Variants in RORA observed in about 807,000 individuals in gnomAD.
The protein encoded by RORA is nuclear receptor ROR-alpha.
A neutral mutation model predicts 69.5 loss-of-function variants in RORA; 7 were observed. The ratio of observed to expected loss-of-function variants is 0.10; its 90% CI spans 0.06 to 0.19. The LOEUF is 0.19. Among genes scored for constraint, RORA ranks in the 10% least tolerant of loss-of-function variants. The pLI, the probability that RORA is intolerant of heterozygous loss-of-function variation, is 1.00. For synonymous variants in RORA, 261 were observed against 240.8 expected (o/e 1.08, Z -0.78); for missense variants, 457 against 663.0 (o/e 0.69, Z 3.41).
At chr15:60,746,515 A>T (rs78583090) in intron 1 of RORA, among the ~76,000 whole-genome samples, 1 of 151,320 alleles carries the variant, frequency 6.6e-6, no homozygotes, top group Admixed American at 6.6e-5. Context: ...AAAGGGAGAG[A>T]AAAAAAAACA....
At chr15:61,041,235 C>T (rs1487730744) in intron 1 of RORA, 1 of 152,180 alleles carries the variant, frequency 6.6e-6, no homozygotes, top group Non-Finnish European at 1.5e-5. Flanking sequence ...ACAGAGGTAA[C>T]CCTTAGGAAG....
Position 61,229,230 on chromosome 15 carries a change from A to C in RORA, c.-12T>G, listed in dbSNP as rs201488277. 3 of 1,290,326 alleles carry C rather than the reference A, an allele frequency of 2.3e-6. No homozygotes were observed. Among genetic ancestry groups the C allele is most frequent in the Non-Finnish European group, 3.0e-6 (3 of 999,780 alleles). 79.9% of individuals were successfully genotyped at this position (1,290,326 alleles called of 1,614,324 possible). On this transcript the variant is annotated 5_prime_UTR_variant, in exon 1 of 11. Coordinates refer to ENST00000335670, the MANE Select transcript of RORA (RefSeq NM_134261.3). ...GGAGCTGACTCCATGTTTTTTCCCA[A>C]TGTAGAGATCGCTGGAGATGGCGAG...
At chr15:61,122,077 T>C (rs1021977063) in intron 1 of RORA, among the ~76,000 whole-genome samples, 3 of 152,244 alleles carry the variant, frequency 2.0e-5, no homozygotes, top group South Asian at 4.1e-4. Flanking sequence ...TTGGTATTTC[T>C]GGATCACCTC....
At chr15:60,664,081 CAT>C (rs2070346279) in intron 2 of RORA, among the ~76,000 whole-genome samples, 1 of 152,166 alleles carries the variant, frequency 6.6e-6, no homozygotes, top group Non-Finnish European at 1.5e-5. Context: ...GCAATAAAAA[CAT>C]ATTCTCCTAA....
intron 2 of RORA, among the ~76,000 whole-genome samples, chr15:60,671,226 G>A (rs2070464479): frequency 6.6e-6 from 1 of 151,628 alleles, no homozygotes; most frequent in African/African-American, 2.4e-5. Context: ...TACTAAGTTG[G>A]TCTAACAAAA....
At chr15:60,852,162 T>A (rs1328247096) in intron 1 of RORA, among the ~76,000 whole-genome samples, 1 of 152,112 alleles carries the variant, frequency 6.6e-6, no homozygotes, top group Non-Finnish European at 1.5e-5. Flanking sequence ...AAGAGCATCA[T>A]GTTTAAGGAC....
intron 1 of RORA, among the ~76,000 whole-genome samples, chr15:60,916,119 T>A (rs1329694842): frequency 6.6e-6 from 1 of 152,168 alleles, no homozygotes; most frequent in East Asian, 1.9e-4. Flanking sequence ...TGAGGAGTGA[T>A]GGAGACAAGG....
At chr15:60,543,434 A>C (rs1490287524) in intron 2 of RORA, among the ~76,000 whole-genome samples, 2 of 151,970 alleles carry the variant, frequency 1.3e-5, no homozygotes, top group African/African-American at 4.8e-5. Flanking sequence ...ATCAGTGCCC[A>C]CCACATAGTA....
At chr15:60,853,956 A>G (rs1461378889) in intron 1 of RORA, among the ~76,000 whole-genome samples, 1 of 152,216 alleles carries the variant, frequency 6.6e-6, no homozygotes, top group Non-Finnish European at 1.5e-5. Context: ...AAACACCGGA[A>G]AAGTTCTTAG....
chr15:60,518,811 T>C (rs928281249), intron 3 of RORA, among the ~76,000 whole-genome samples: 2 of 151,978 alleles, frequency 1.3e-5, no homozygotes, highest in African/African-American at 4.9e-5. Context: ...ACCCTGGCGC[T>C]TCCCCATGTG....
chr15:61,225,014 T>G (rs928384111), intron 1 of RORA, among the ~76,000 whole-genome samples: 3 of 152,138 alleles, frequency 2.0e-5, no homozygotes, highest in Non-Finnish European at 4.4e-5. Context: ...TAGAAGAGTC[T>G]CCTATAGATG....
At chr15:60,575,802 T>C (rs2068008373) in intron 2 of RORA, among the ~76,000 whole-genome samples, 1 of 152,264 alleles carries the variant, frequency 6.6e-6, no homozygotes, top group African/African-American at 2.4e-5. Context: ...AAAAGTTTAA[T>C]AAAATACAAT....
chr15:61,011,530 AAC>A (rs922669965), intron 1 of RORA, among the ~76,000 whole-genome samples: 24 of 152,222 alleles, frequency 1.6e-4, no homozygotes, highest in African/African-American at 5.8e-4. Flanking sequence ...CCAAAGAGGA[AAC>A]ACAGTGCCGT....
At chr15:60,970,296 T>C (rs1377660789) in intron 1 of RORA, among the ~76,000 whole-genome samples, 1 of 152,274 alleles carries the variant, frequency 6.6e-6, no homozygotes, top group Non-Finnish European at 1.5e-5. Flanking sequence ...CAGCATGCTC[T>C]CTGGTTCTCA....
chr15:60,735,533 C>A (rs2071485266), intron 1 of RORA, among the ~76,000 whole-genome samples: 1 of 151,678 alleles, frequency 6.6e-6, no homozygotes, highest in African/African-American at 2.4e-5. Context: ...CTGCTGAGAG[C>A]CTACCACCTT....
chr15:61,006,062 G>A (rs1273605492), intron 1 of RORA, among the ~76,000 whole-genome samples: 1 of 152,086 alleles, frequency 6.6e-6, no homozygotes, highest in Admixed American at 6.6e-5. Context: ...TCCACCTCCT[G>A]GGTTCAAGCG....
rs1438658979 is a variant in RORA, at chr15:60,488,961, A to C, written c.*8494T>G. ...CTTGGCTTACTTTGTAAATTTAACA[A>C]AACAACCCAGGAAAAACGTTTTAAT... On this transcript the variant is annotated 3_prime_UTR_variant, in exon 11 of 11. Coordinates refer to ENST00000335670, the MANE Select transcript of RORA (RefSeq NM_134261.3). 1 of 152,254 alleles carries C rather than the reference A, an allele frequency of 6.6e-6. No homozygotes were observed. The highest frequency in any genetic ancestry group is 1.5e-5 in the Non-Finnish European group (1 of 68,042). The allele number at this position is 152,254 out of a possible 1,614,324, so 9.4% of individuals were successfully genotyped here.
At chr15:60,935,916 C>A (rs1282742980) in intron 1 of RORA, among the ~76,000 whole-genome samples, 2 of 152,206 alleles carry the variant, frequency 1.3e-5, no homozygotes, top group Non-Finnish European at 2.9e-5. Flanking sequence ...TTACTGCAGA[C>A]AGAAGACAAT....
chr15:60,493,653 A>T lies in RORA; in HGVS notation c.*3802T>A, dbSNP rs2065092881. 6.8e-6 allele frequency: 1 copy of T among 147,618 alleles called. No homozygotes were observed. The highest frequency in any genetic ancestry group is 2.5e-5 in the African/African-American group (1 of 40,438). The allele number at this position is 147,618 out of a possible 1,614,324, so 9.1% of individuals were successfully genotyped here. On this transcript the variant is annotated 3_prime_UTR_variant, in exon 11 of 11. Transcript: ENST00000335670. ...AATAATACAAAGTTTGTTTGTTTGT[A>T]TTTTTTTTTTTAGAAAATTACATTA... is the stretch of plus-strand genomic sequence containing the variant.
Sources: gnomAD v4.1 joint callset for allele counts (sites outside exome capture counted in the v4.1 genomes callset) on GRCh38, gnomAD v4.1.1 for gene constraint, MANE v1.5 for transcripts, NCBI Gene and HGNC (gene_info 2026-07-23, HGNC 2026-07-21) for gene names.